CCR5AS: variants seen among roughly 807,000 people sequenced by gnomAD.
CCR5AS encodes the protein CCR5 antisense RNA.
At chr3:46,398,945 T>C (rs1384557975) in intron 1 of CCR5AS, among the ~76,000 whole-genome samples, 1 of 152,216 alleles carries the variant, frequency 6.6e-6, no homozygotes, top group East Asian at 1.9e-4. Flanking sequence ...GATGTAAGAT[T>C]GTGCCCTATT....
chr3:46,367,732 A>G (rs1701613767), intron 3 of CCR5AS, among the ~76,000 whole-genome samples: 1 of 152,098 alleles, frequency 6.6e-6, no homozygotes, highest in Non-Finnish European at 1.5e-5. Flanking sequence ...CACCACATCC[A>G]GCTAATTTTG....
intron 2 of CCR5AS, among the ~76,000 whole-genome samples, chr3:46,387,053 A>G (rs1257865962): frequency 2.0e-5 from 3 of 152,218 alleles, no homozygotes; most frequent in Non-Finnish European, 2.9e-5. Context: ...AAGAAAGAAA[A>G]GAGAAAAGAA....
At chr3:46,378,346 A>G (rs887470146) in intron 2 of CCR5AS, among the ~76,000 whole-genome samples, 1 of 152,004 alleles carries the variant, frequency 6.6e-6, no homozygotes, top group African/African-American at 2.4e-5. Context: ...TCTATAAGCA[A>G]TTTTACAAGA....
At chr3:46,366,745 G>T (rs1400011124) in intron 3 of CCR5AS, among the ~76,000 whole-genome samples, 2 of 152,212 alleles carry the variant, frequency 1.3e-5, no homozygotes, top group African/African-American at 4.8e-5. Context: ...GCTGTCACCT[G>T]GTGGGTGTCA....
chr3:46,372,946 A>G (rs777539326), intron 2 of CCR5AS: 4 of 1,609,332 alleles, frequency 2.5e-6, no homozygotes, highest in South Asian at 1.1e-5. Flanking sequence ...ATCAATTATT[A>G]TACATCGGAG....
At chr3:46,382,240 C>A (rs1046011561) in intron 2 of CCR5AS, among the ~76,000 whole-genome samples, 1 of 152,176 alleles carries the variant, frequency 6.6e-6, no homozygotes, top group Non-Finnish European at 1.5e-5. Context: ...GGTAGAGAAC[C>A]CTTCTGCATA....
At position 46,373,364 on chromosome 3, in the gene CCR5AS, G is replaced by A. The variant is rs771443021; in HGVS notation, n.392-1947C>T. 3.1e-6 allele frequency: 5 copies of A among 1,613,796 alleles called. No individual in the cohort carries two copies. In the South Asian group the frequency reaches 5.5e-5, roughly 18 times the overall value. On this transcript the variant is annotated intron_variant and non_coding_transcript_variant, in intron 2 of 3. Transcript: ENST00000451485. ...TGGTGACAAGTGTGATCACTTGGGTGGTGGCTGTGTTTGCGTCTCTCCCAG... is the reference window on the plus strand; with the variant it reads ...TGGTGACAAGTGTGATCACTTGGGTAGTGGCTGTGTTTGCGTCTCTCCCAG...
intron 1 of CCR5AS, among the ~76,000 whole-genome samples, chr3:46,406,396 C>T (rs901951590): frequency 3.0e-4 from 45 of 152,048 alleles, no homozygotes; most frequent in African/African-American, 9.9e-4. Context: ...CTTCTCGGTT[C>T]GTCCTTCTTC....
chr3:46,372,991 C>A (rs1701685697), intron 2 of CCR5AS: 2 of 1,614,016 alleles, frequency 1.2e-6, no homozygotes, highest in South Asian at 2.2e-5. Context: ...CAAATCGCAG[C>A]CCGCCTCCTG....
At chr3:46,366,159 G>C (rs1485901335) in intron 3 of CCR5AS, among the ~76,000 whole-genome samples, 1 of 152,172 alleles carries the variant, frequency 6.6e-6, no homozygotes, top group Non-Finnish European at 1.5e-5. Flanking sequence ...TACAGGGCTG[G>C]TGCTGTCATC....
intron 3 of CCR5AS, among the ~76,000 whole-genome samples, chr3:46,366,227 C>T (rs1412922002): frequency 1.3e-5 from 2 of 152,178 alleles, no homozygotes; most frequent in East Asian, 3.9e-4. Context: ...TTCTTTGGAA[C>T]TGTGAGTGCA....
At chr3:46,380,741 G>T (rs1701808691) in intron 2 of CCR5AS, among the ~76,000 whole-genome samples, 1 of 152,222 alleles carries the variant, frequency 6.6e-6, no homozygotes, top group Non-Finnish European at 1.5e-5. Flanking sequence ...CAACATATTG[G>T]AGTCACTCAG....
Position 46,372,956 on chromosome 3 carries a change from G to A in CCR5AS, n.392-1539C>T. On this transcript the variant is annotated intron_variant and non_coding_transcript_variant, in intron 2 of 3. Coordinates refer to ENST00000451485, the Ensembl canonical transcript of CCR5AS. ...ATGACATCAATTATTATACATCGGA[G>A]CCCTGCCAAAAAATCAATGTGAAGC... 2 of 1,612,190 alleles carry A rather than the reference G, an allele frequency of 1.2e-6. 1 individual carries two copies. The highest frequency in any genetic ancestry group is 2.2e-5 in the South Asian group (2 of 90,856).
intron 2 of CCR5AS, chr3:46,372,573 T>A (rs2106744922): frequency 5.3e-6 from 1 of 188,548 alleles, no homozygotes; most frequent in Admixed American, 5.4e-5. Flanking sequence ...GCACCATGCT[T>A]GACCCAGTTT....
At position 46,365,506 on chromosome 3, in the gene CCR5AS, C is replaced by A. The variant is rs531604287; in HGVS notation, n.566-461G>T. The stretch of plus-strand genomic sequence containing the variant: ...ACAACTTTTATATGCACTGGGAAAC[C>A]AAAAAGGTTATTTTTGAGATATTTG... On this transcript the variant is annotated intron_variant and non_coding_transcript_variant, in intron 3 of 3. Transcript: ENST00000451485. Among the ~76,000 whole-genome samples, 4 of 152,228 alleles carry A rather than the reference C, an allele frequency of 2.6e-5. No individual in the cohort carries two copies. The East Asian group carries it at 5.8e-4, about 22-fold the overall frequency.
chr3:46,365,725 T>G (rs939081567), intron 3 of CCR5AS, among the ~76,000 whole-genome samples: 1 of 152,092 alleles, frequency 6.6e-6, no homozygotes, highest in Non-Finnish European at 1.5e-5. Context: ...GTGAGATCTC[T>G]CTTTGATTTG....
At chr3:46,372,528 CACAACAACA>C (rs71619644) in intron 2 of CCR5AS, 2 of 167,462 alleles carry the variant, frequency 1.2e-5, no homozygotes, top group Admixed American at 5.9e-5. Context: ...GACCCTGTCT[CACAACAACA>C]ACAACAACAA....
intron 2 of CCR5AS, among the ~76,000 whole-genome samples, chr3:46,383,180 A>G (rs1427030439): frequency 5.3e-5 from 8 of 152,158 alleles, no homozygotes; most frequent in African/African-American, 1.7e-4. Flanking sequence ...CAACAGCATG[A>G]TTTTGTAAGT....
At chr3:46,368,250 G>T (rs559344601) in intron 3 of CCR5AS, among the ~76,000 whole-genome samples, 15 of 152,290 alleles carry the variant, frequency 9.8e-5, no homozygotes, top group Non-Finnish European at 1.9e-4. Flanking sequence ...GTGACAAAGT[G>T]ATCAAAAGTT....
Sources: allele counts gnomAD v4.1 joint callset (sites outside exome capture counted in the v4.1 genomes callset), GRCh38; gene constraint gnomAD v4.1.1; transcripts MANE v1.5; gene names NCBI Gene and HGNC (gene_info 2026-07-23, HGNC 2026-07-21).